PHF3: variants seen among roughly 807,000 people sequenced by gnomAD.
PHF3 encodes PHD finger protein 3.
Under a neutral mutation model 178.4 loss-of-function variants are expected in PHF3, and 41 were observed. That is an observed-to-expected ratio of 0.23 (90% CI 0.18 to 0.30). The LOEUF (loss-of-function observed/expected upper bound fraction) is 0.30, where lower values mean the gene tolerates loss of function less well. Ranked by LOEUF, PHF3 falls within the 10% of genes least tolerant of loss-of-function variation. The pLI is 1.00. For missense variants in PHF3, 2,346 were observed against 2,398.1 expected, an observed-to-expected ratio of 0.98 and a Z score of 0.45; for synonymous variants, 842 against 800.5, an observed-to-expected ratio of 1.05 and a Z score of -0.88.
intron 1 of PHF3, among the ~76,000 whole-genome samples, chr6:63,646,134 T>C (rs1325703284): frequency 6.6e-6 from 1 of 152,200 alleles, no homozygotes; most frequent in Non-Finnish European, 1.5e-5. Context: ...GGACTTATTG[T>C]AAAAGCAGTG....
chr6:63,721,536 A>G lies in PHF3; in HGVS notation c.*7828A>G. On this transcript the variant is annotated 3_prime_UTR_variant, in exon 16 of 16. Transcript: ENST00000262043. ...TTCATTTTCTATTGCCATGGGATTT[A>G]CAAGATTTAAAGAAGATACTCCTCC... The G allele has an allele frequency of 6.4e-7, 1 of 1,551,646 alleles. No individual in the cohort carries two copies. Among genetic ancestry groups the G allele is most frequent in the Non-Finnish European group, 8.7e-7 (1 of 1,146,802 alleles).
Position 63,702,646 on chromosome 6 carries a change from A to G in PHF3, c.3231+7A>G. ...AGCAGCCATGGAGATTCAGGTAAGG[A>G]TAGATATGCCATGTTTTATAGCTCA... On this transcript the variant is annotated splice_region_variant and intron_variant, in intron 10 of 15. Transcript: ENST00000262043. 1 of 1,607,514 alleles carries G rather than the reference A, an allele frequency of 6.2e-7. No individual in the cohort carries two copies. Among genetic ancestry groups the G allele is most frequent in the South Asian group, 1.1e-5 (1 of 90,026 alleles).
chr6:63,680,259 T>C (rs915276611), intron 3 of PHF3, 98 bp downstream of exon 3: 3 of 1,113,066 alleles, frequency 2.7e-6, no homozygotes, highest in Admixed American at 5.1e-5. Context: ...TTTCTTGATG[T>C]TTTGCTAATC....
intron 2 of PHF3, among the ~76,000 whole-genome samples, chr6:63,654,044 C>T (rs988912600): frequency 3.9e-5 from 6 of 152,104 alleles, no homozygotes; most frequent in East Asian, 1.9e-4. Context: ...AGGATTTTTG[C>T]ATTTATATTA....
At chr6:63,644,990 C>G (rs1424732834) in intron 1 of PHF3, among the ~76,000 whole-genome samples, 1 of 151,822 alleles carries the variant, frequency 6.6e-6, no homozygotes, top group Non-Finnish European at 1.5e-5. Context: ...AAGTGATCCT[C>G]CCAACTCAGC....
intron 6 of PHF3, 149 bp downstream of exon 6, chr6:63,694,913 G>A (rs1359706896): frequency 3.1e-5 from 12 of 388,072 alleles, no homozygotes. Context: ...TTAGGTGATT[G>A]GCCTTACTTG....
Position 63,712,396 on chromosome 6 carries a change from A to G in PHF3, c.4808A>G (p.Asn1603Ser). 1 of 1,613,946 alleles carries G rather than the reference A, an allele frequency of 6.2e-7. No homozygotes were observed. The highest frequency in any genetic ancestry group is 8.5e-7 in the Non-Finnish European group (1 of 1,179,914). The stretch of plus-strand genomic sequence containing the variant: ...AGACAGCTTCAGGAAGATCAAGAGA[A>G]TAATTTGCAAGATAACCAGACTTCA... ...LKRQLQEDQE[N>S]NLQDNQTSNS... is the part of the protein sequence containing the mutation. The change falls in exon 16 of 16, where the codon AAT becomes AGT. Residue 1603 changes from asparagine (N) to serine (S), a missense_variant. Transcript: ENST00000262043.
intron 2 of PHF3, among the ~76,000 whole-genome samples, chr6:63,666,396 A>AT (rs1765683044): frequency 6.6e-6 from 1 of 151,938 alleles, no homozygotes; most frequent in African/African-American, 2.4e-5. Context: ...TATATGTGGC[A>AT]TAAAGATTTT....
At chr6:63,672,774 T>C (rs1366384604) in intron 2 of PHF3, among the ~76,000 whole-genome samples, 2 of 152,230 alleles carry the variant, frequency 1.3e-5, no homozygotes, top group Non-Finnish European at 2.9e-5. Flanking sequence ...AGTATGTGCC[T>C]GTAACAATAG....
In PHF3 at chr6:63,712,438, G is replaced by T; in HGVS notation, c.4850G>T (p.Arg1617Ile). The change falls in exon 16 of 16, where the codon AGA (arginine) becomes ATA (isoleucine). Residue 1617 changes from arginine (R) to isoleucine (I), a missense_variant. This residue lies in a region of PHF3 where 839 missense variants were observed against 806.9 expected (regional missense o/e 1.04). Coordinates refer to ENST00000262043, the MANE Select transcript of PHF3 (RefSeq NM_001370348.2). Reference sequence around the variant, plus strand: ...CAGACTTCAAATAGTTCTCCATGCAGATCTAATGTAGGAAAAGGAAACATA... The same window carrying T: ...CAGACTTCAAATAGTTCTCCATGCATATCTAATGTAGGAAAAGGAAACATA... ...DNQTSNSSPC[R>I]SNVGKGNIDG... The T allele has an allele frequency of 6.2e-7, 1 of 1,614,014 alleles. No individual in the cohort carries two copies. Among genetic ancestry groups the T allele is most frequent in the Non-Finnish European group, 8.5e-7 (1 of 1,179,960 alleles).
intron 2 of PHF3, among the ~76,000 whole-genome samples, chr6:63,658,437 TGTACAAA>T (rs1351569783): frequency 1.3e-5 from 2 of 152,166 alleles, no homozygotes; most frequent in Non-Finnish European, 2.9e-5. Flanking sequence ...GAAATAAAGA[TGTACAAA>T]GTCTGCCATA....
In PHF3 at chr6:63,715,974, TAAAA is replaced by T. The variant is rs1398539356; in HGVS notation, c.*2270_*2273del. On this transcript the variant is annotated 3_prime_UTR_variant, in exon 16 of 16. Transcript: ENST00000262043. Reference sequence around the variant, plus strand: ...TGCTCTTTAAAAAAAGTTTTACACTTAAAAAAACTTAGAATCATCTTAAGACAGT... The same window carrying T: ...TGCTCTTTAAAAAAAGTTTTACACTTAAACTTAGAATCATCTTAAGACAGT... Among the ~76,000 whole-genome samples, 1 of 152,104 alleles carries T rather than the reference TAAAA, an allele frequency of 6.6e-6. No individual in the cohort carries two copies. Among genetic ancestry groups the T allele is most frequent in the Non-Finnish European group, 1.5e-5 (1 of 68,006 alleles).
intron 2 of PHF3, among the ~76,000 whole-genome samples, chr6:63,675,833 T>C (rs1178060793): frequency 6.6e-6 from 1 of 152,156 alleles, no homozygotes; most frequent in Non-Finnish European, 1.5e-5. Flanking sequence ...CTCTTCACTT[T>C]CCTCCATTAA....
At chr6:63,659,659 A>AT (rs904915892) in intron 2 of PHF3, among the ~76,000 whole-genome samples, 1 of 152,116 alleles carries the variant, frequency 6.6e-6, no homozygotes, top group African/African-American at 2.4e-5. Flanking sequence ...TTTGGATTTT[A>AT]TTTTTTGGTA....
chr6:63,695,912 C>T lies in PHF3; in HGVS notation c.2680+1148C>T, dbSNP rs137970673. Among the ~76,000 whole-genome samples, 365 of 152,192 alleles carry T rather than the reference C, an allele frequency of 2.4e-3. 2 individuals are homozygous for T. The highest frequency in any genetic ancestry group is 8.3e-3 in the African/African-American group (344 of 41,522). ...CCATTATGAGATTCCTATTAGACAT[C>T]GAGATGGAAATGTTTTGAGTAAATC... On this transcript the variant is annotated intron_variant, in intron 6 of 15. Transcript: ENST00000262043.
At chr6:63,671,567 G>GCCA (rs1765917986) in intron 2 of PHF3, among the ~76,000 whole-genome samples, 1 of 152,248 alleles carries the variant, frequency 6.6e-6, no homozygotes, top group Admixed American at 6.5e-5. Flanking sequence ...ACTCGTAGTG[G>GCCA]CCAGCCTTTT....
intron 15 of PHF3, 54 bp from the exon 16 acceptor site, chr6:63,711,532 T>C (rs1258025284): frequency 2.0e-5 from 30 of 1,491,828 alleles, no homozygotes; most frequent in Non-Finnish European, 9.0e-7. Flanking sequence ...AATTTTACCT[T>C]TTTTTGCAAT....
At chr6:63,663,608 G>A (rs1349049146) in intron 2 of PHF3, among the ~76,000 whole-genome samples, 4 of 152,086 alleles carry the variant, frequency 2.6e-5, no homozygotes, top group Admixed American at 2.6e-4. Flanking sequence ...CCCATAGGTT[G>A]TAATTTACTG....
rs1768088193 is a variant in PHF3 at position 63,713,886 on chromosome 6, CCTT to C, written c.*183_*185del. The C allele has an allele frequency of 4.4e-6, 2 of 450,272 alleles. No individual in the cohort carries two copies. The highest frequency in any genetic ancestry group is 6.9e-5 in the South Asian group (1 of 14,518). 27.9% of individuals were successfully genotyped at this position (450,272 alleles called of 1,614,324 possible). A position where few individuals can be genotyped will look rare whatever the true frequency, so the allele number is the denominator to read the frequency against. The stretch of plus-strand genomic sequence containing the variant: ...GTGCTCTGTACCAGTGCTCATCATC[CCTT>C]CTTCATACCAACGGTCCCTAGTTAT... On this transcript the variant is annotated 3_prime_UTR_variant, in exon 16 of 16. Transcript: ENST00000262043.
Sources: allele counts gnomAD v4.1 joint callset (sites outside exome capture counted in the v4.1 genomes callset), GRCh38; gene constraint gnomAD v4.1.1; regional missense constraint gnomAD v4.1.1; transcripts MANE v1.5; gene names NCBI Gene and HGNC (gene_info 2026-07-23, HGNC 2026-07-21).